CTNNA3: variants seen among roughly 807,000 people sequenced by gnomAD.
CTNNA3 encodes catenin alpha 3, also known as catenin alpha-3.
Under a neutral mutation model 95.7 loss-of-function variants are expected in CTNNA3, and 76 were observed. That is an observed-to-expected ratio of 0.79 (90% confidence interval 0.66 to 0.96). The LOEUF (loss-of-function observed/expected upper bound fraction) is 0.96, where lower values mean the gene tolerates loss of function less well. Ranked by LOEUF, CTNNA3 falls within the 40% of genes least tolerant of loss-of-function variation. CTNNA3 has a pLI of 0.00. For synonymous variants in CTNNA3, 431 were observed against 374.4 expected, an observed-to-expected ratio of 1.15 and a Z score of -1.74; for missense variants, 1,191 against 1,089.8, an observed-to-expected ratio of 1.09 and a Z score of -1.31.
At chr10:66,878,517 A>G (rs1844716067) in intron 7 of CTNNA3, among the ~76,000 whole-genome samples, 1 of 152,146 alleles carries the variant, frequency 6.6e-6, no homozygotes, top group Non-Finnish European at 1.5e-5. Context: ...AAGAGTGGGC[A>G]TGAACCAAAG....
At chr10:67,473,683 GA>G (rs1295278181) in intron 5 of CTNNA3, among the ~76,000 whole-genome samples, 3 of 150,746 alleles carry the variant, frequency 2.0e-5, no homozygotes, top group African/African-American at 4.9e-5. Context: ...AGAAACATTG[GA>G]AAAAAATTAA....
intron 7 of CTNNA3, among the ~76,000 whole-genome samples, chr10:66,839,378 A>C (rs943979401): frequency 6.6e-6 from 1 of 152,162 alleles, no homozygotes; most frequent in African/African-American, 2.4e-5. Context: ...ACAGGATGGC[A>C]AAAATTCTAG....
intron 13 of CTNNA3, among the ~76,000 whole-genome samples, chr10:66,157,187 G>A (rs1229695781): frequency 2.6e-5 from 4 of 151,592 alleles, no homozygotes; most frequent in African/African-American, 4.8e-5. Flanking sequence ...TTTATCCCTC[G>A]TCCCCCTCCC....
intron 7 of CTNNA3, among the ~76,000 whole-genome samples, chr10:66,790,693 C>T (rs1840934495): frequency 6.6e-6 from 1 of 152,070 alleles, no homozygotes. Flanking sequence ...CATAACTAAT[C>T]TTATTATATG....
At chr10:66,771,769 A>T (rs761148965) in intron 8 of CTNNA3, among the ~76,000 whole-genome samples, 7 of 152,242 alleles carry the variant, frequency 4.6e-5, no homozygotes, top group Non-Finnish European at 8.8e-5. Flanking sequence ...TTTGCAAAGC[A>T]TTTAGTAAAT....
chr10:66,508,935 A>G (rs1159632040), intron 11 of CTNNA3, among the ~76,000 whole-genome samples: 4 of 152,088 alleles, frequency 2.6e-5, no homozygotes, highest in Non-Finnish European at 5.9e-5. Flanking sequence ...TGGAAGTCCT[A>G]TTTGCAGTTT....
chr10:67,336,270 G>C (rs1447464556), intron 5 of CTNNA3, among the ~76,000 whole-genome samples: 2 of 152,150 alleles, frequency 1.3e-5, no homozygotes, highest in African/African-American at 4.8e-5. Context: ...TCAAATGAAA[G>C]AAACTGTAGC....
intron 11 of CTNNA3, among the ~76,000 whole-genome samples, chr10:66,407,455 C>T (rs1299256626): frequency 6.6e-6 from 1 of 152,030 alleles, no homozygotes; most frequent in Non-Finnish European, 1.5e-5. Flanking sequence ...AAACTCTGAA[C>T]ACTGCTGTTT....
intron 7 of CTNNA3, among the ~76,000 whole-genome samples, chr10:66,906,348 A>C (rs1396902589): frequency 6.6e-6 from 1 of 152,210 alleles, no homozygotes; most frequent in Non-Finnish European, 1.5e-5. Context: ...GCTTACAGGA[A>C]GCAAAGGATC....
At chr10:67,726,886 G>A (rs1378730298) in intron 1 of CTNNA3, among the ~76,000 whole-genome samples, 1 of 109,030 alleles carries the variant, frequency 9.2e-6, no homozygotes. Context: ...TATATATAAT[G>A]ATACATCATA....
At chr10:66,207,729 C>G (rs1178019215) in intron 13 of CTNNA3, among the ~76,000 whole-genome samples, 1 of 151,994 alleles carries the variant, frequency 6.6e-6, no homozygotes, top group African/African-American at 2.4e-5. Context: ...ATATAATAAT[C>G]GCTTTCTAAA....
chr10:66,936,743 A>G (rs149893885), intron 7 of CTNNA3, among the ~76,000 whole-genome samples: 205 of 152,244 alleles, frequency 1.3e-3, no homozygotes, highest in African/African-American at 4.7e-3. Context: ...AGTAGTATCC[A>G]TATTGAAATT....
intron 15 of CTNNA3, among the ~76,000 whole-genome samples, chr10:66,000,286 C>T (rs1301223467): frequency 2.0e-5 from 3 of 150,436 alleles, no homozygotes; most frequent in Non-Finnish European, 4.5e-5. Flanking sequence ...CTGACCTCAT[C>T]TCATTTCTGG....
In CTNNA3 at chr10:66,694,881, CTT is replaced by C. The variant is rs1191827582; in HGVS notation, c.1281+71381_1281+71382del. 8.5e-5 allele frequency among the ~76,000 whole-genome samples: 13 copies of C among 152,098 alleles called. 1 individual carries two copies. Among genetic ancestry groups the C allele is most frequent in the Non-Finnish European group, 1.8e-4 (12 of 68,016 alleles). ...GCCATTTTTAAATTTGGTATTTCCTCTTGTGCCTCCTCAGAAATTATACTAAA... is the reference window on the plus strand; with the variant it reads ...GCCATTTTTAAATTTGGTATTTCCTCGTGCCTCCTCAGAAATTATACTAAA... On this transcript the variant is annotated intron_variant, in intron 9 of 17. Coordinates refer to ENST00000433211, the MANE Select transcript of CTNNA3 (RefSeq NM_013266.4).
chr10:66,996,871 A>T (rs1851382493), intron 7 of CTNNA3, among the ~76,000 whole-genome samples: 1 of 152,090 alleles, frequency 6.6e-6, no homozygotes. Context: ...TAACATCTGT[A>T]AATGTTCAGC....
intron 11 of CTNNA3, among the ~76,000 whole-genome samples, chr10:66,400,331 T>G (rs2093010612): frequency 6.6e-6 from 1 of 152,070 alleles, no homozygotes; most frequent in Non-Finnish European, 1.5e-5. Context: ...TTAGTAATTT[T>G]TATCATTTGC....
chr10:66,672,603 G>T (rs1846703971), intron 9 of CTNNA3, among the ~76,000 whole-genome samples: 1 of 152,032 alleles, frequency 6.6e-6, no homozygotes, highest in Admixed American at 6.6e-5. Context: ...GGAAAGCTAT[G>T]GAAAAATAAC....
At chr10:66,771,856 A>G (rs1046460213) in intron 8 of CTNNA3, among the ~76,000 whole-genome samples, 1 of 152,196 alleles carries the variant, frequency 6.6e-6, no homozygotes, top group Non-Finnish European at 1.5e-5. Flanking sequence ...AGAAAAAAAT[A>G]GAAGAATATA....
At chr10:66,613,451 G>A (rs1465972200) in intron 10 of CTNNA3, among the ~76,000 whole-genome samples, 2 of 151,980 alleles carry the variant, frequency 1.3e-5, no homozygotes, top group African/African-American at 2.4e-5. Context: ...TGGAGTAGGT[G>A]GAAGAAAGTG....
Sources: allele counts gnomAD v4.1 joint callset (sites outside exome capture counted in the v4.1 genomes callset), GRCh38; gene constraint gnomAD v4.1.1; transcripts MANE v1.5; gene names NCBI Gene and HGNC (gene_info 2026-07-23, HGNC 2026-07-21).